TMEM132B: variants seen among roughly 807,000 people sequenced by gnomAD.
TMEM132B encodes the protein transmembrane protein 132B.
A neutral mutation model predicts 90.8 loss-of-function variants in TMEM132B; 18 were observed. The observed-to-expected ratio is 0.20, with a 90% CI of 0.14 to 0.29. The LOEUF is 0.29. Among genes scored for constraint, TMEM132B ranks in the 10% least tolerant of loss-of-function variants. TMEM132B has a pLI of 1.00. For synonymous variants in TMEM132B, 504 were observed against 523.3 expected, an observed-to-expected ratio of 0.96 and a Z score of 0.50; for missense variants, 1,096 against 1,326.8, an observed-to-expected ratio of 0.83 and a Z score of 2.70.
chr12:125,437,037 C>T (rs749745766), intron 3 of TMEM132B, among the ~76,000 whole-genome samples: 3 of 152,174 alleles, frequency 2.0e-5, no homozygotes, highest in Non-Finnish European at 4.4e-5. Context: ...AAGGGCCATA[C>T]CACACCCTTG....
At chr12:125,217,448 CTTTG>C (rs994296702) in intron 1 of TMEM132B, among the ~76,000 whole-genome samples, 4 of 152,232 alleles carry the variant, frequency 2.6e-5, no homozygotes, top group African/African-American at 4.8e-5. Flanking sequence ...TCGCTTAATT[CTTTG>C]TTTGTTTGTT....
At chr12:125,426,611 ATACAGC>A (rs1387542586) in intron 3 of TMEM132B, among the ~76,000 whole-genome samples, 1 of 152,232 alleles carries the variant, frequency 6.6e-6, no homozygotes, top group Non-Finnish European at 1.5e-5. Flanking sequence ...ATGCAGGTTC[ATACAGC>A]TCATTCCTGG....
At chr12:125,223,333 C>T (rs182467282) in intron 1 of TMEM132B, among the ~76,000 whole-genome samples, 5 of 152,270 alleles carry the variant, frequency 3.3e-5, no homozygotes, top group East Asian at 3.9e-4. Flanking sequence ...ATCTTTTGGA[C>T]GAATTAAATG....
intron 4 of TMEM132B, among the ~76,000 whole-genome samples, chr12:125,571,222 A>C (rs559888271): frequency 1.3e-5 from 2 of 152,306 alleles, no homozygotes; most frequent in South Asian, 4.1e-4. Context: ...CTGGCTCTGC[A>C]GCTTAGCAGC....
chr12:125,617,730 C>T (rs991139314), intron 5 of TMEM132B, among the ~76,000 whole-genome samples: 1 of 152,068 alleles, frequency 6.6e-6, no homozygotes, highest in East Asian at 1.9e-4. Flanking sequence ...TACTTTCCAG[C>T]TTATCCCTCT....
At chr12:125,354,409 TG>T (rs1425289106) in intron 2 of TMEM132B, among the ~76,000 whole-genome samples, 1 of 152,212 alleles carries the variant, frequency 6.6e-6, no homozygotes, top group Non-Finnish European at 1.5e-5. Context: ...TAGAACTAGC[TG>T]GTTGTAGTTC....
intron 1 of TMEM132B, among the ~76,000 whole-genome samples, chr12:125,214,434 A>G (rs2136068075): frequency 6.6e-6 from 1 of 152,320 alleles, no homozygotes; most frequent in South Asian, 2.1e-4. Flanking sequence ...TCTCACAGAA[A>G]TGGCAGTTCT....
intron 1 of TMEM132B, among the ~76,000 whole-genome samples, chr12:125,225,936 C>A (rs914955211): frequency 1.3e-5 from 2 of 152,176 alleles, no homozygotes; most frequent in Non-Finnish European, 2.9e-5. Context: ...CCTAGGGGAG[C>A]AAGCAGACAG....
chr12:125,226,274 C>T (rs930556473), intron 1 of TMEM132B, among the ~76,000 whole-genome samples: 4 of 152,198 alleles, frequency 2.6e-5, no homozygotes, highest in African/African-American at 9.7e-5. Context: ...CCCCAGCTTC[C>T]AGCCCCAGCT....
At chr12:125,550,054 G>A (rs1301147596) in intron 4 of TMEM132B, among the ~76,000 whole-genome samples, 3 of 152,184 alleles carry the variant, frequency 2.0e-5, no homozygotes, top group African/African-American at 7.2e-5. Context: ...GGACAGTGTG[G>A]GGCACATCAG....
intron 1 of TMEM132B, among the ~76,000 whole-genome samples, chr12:125,298,207 G>A (rs34272199): frequency 0.29 from 43,668 of 151,874 alleles, 6,463 homozygotes; most frequent in African/African-American, 0.33. Flanking sequence ...CCATGATTGC[G>A]CCACTGCACT....
intron 2 of TMEM132B, among the ~76,000 whole-genome samples, chr12:125,372,001 A>G (rs553607287): frequency 6.6e-6 from 1 of 152,218 alleles, no homozygotes; most frequent in South Asian, 2.1e-4. Context: ...ATCACTAAAA[A>G]CCAGGAAAGA....
intron 4 of TMEM132B, among the ~76,000 whole-genome samples, chr12:125,556,882 G>A (rs1751722204): frequency 6.6e-6 from 1 of 152,128 alleles, no homozygotes; most frequent in African/African-American, 2.4e-5. Flanking sequence ...AGCCTCCCAA[G>A]TAGCTGGGAC....
Position 125,350,323 on chromosome 12 carries a change from G to A in TMEM132B, c.939G>A (p.Val313=). 2 of 1,613,030 alleles carry A rather than the reference G, an allele frequency of 1.2e-6. No individual in the cohort carries two copies. The highest frequency in any genetic ancestry group is 2.2e-5 in the South Asian group (2 of 90,992). The change falls in exon 2 of 9, where the codon GTG becomes GTA. Residue 313 remains valine, a synonymous_variant. Coordinates refer to ENST00000682704, the MANE Select transcript of TMEM132B (RefSeq NM_001366854.1). The part of the protein sequence containing the change: ...TFLVSLTSSS[V]ADQFTLRIKA... The stretch of plus-strand genomic sequence containing the variant: ...TGGTCTCTCTGACCAGTAGCTCTGT[G>A]GCAGACCAGTTCACTCTTAGGTAAG...
intron 4 of TMEM132B, among the ~76,000 whole-genome samples, chr12:125,527,109 C>T (rs1883491106): frequency 7.2e-6 from 1 of 139,262 alleles, no homozygotes; most frequent in Admixed American, 7.1e-5. Flanking sequence ...CTTCCATCCA[C>T]CCATCCACAC....
At chr12:125,290,165 C>T (rs900173056) in intron 1 of TMEM132B, among the ~76,000 whole-genome samples, 5 of 152,110 alleles carry the variant, frequency 3.3e-5, no homozygotes, top group African/African-American at 1.2e-4. Context: ...GAGTTTGGGC[C>T]GTAATTCATT....
At chr12:125,626,453 AG>A (rs1457772092) in intron 5 of TMEM132B, among the ~76,000 whole-genome samples, 1 of 152,170 alleles carries the variant, frequency 6.6e-6, no homozygotes, top group East Asian at 1.9e-4. Context: ...GGTTTTTGAG[AG>A]ACTCCCAAGC....
At chr12:125,199,667 A>G (rs1417272144) in intron 1 of TMEM132B, among the ~76,000 whole-genome samples, 1 of 152,310 alleles carries the variant, frequency 6.6e-6, no homozygotes, top group Non-Finnish European at 1.5e-5. Context: ...AGGACTGTTA[A>G]GTTGAATCTG....
Position 125,442,646 on chromosome 12 carries a change from A to G in TMEM132B, c.1106+26969A>G, listed in dbSNP as rs182748080. Among the ~76,000 whole-genome samples the G allele has an allele frequency of 7.9e-5, 12 of 152,326 alleles. 1 individual carries two copies. The highest frequency in any genetic ancestry group is 4.6e-4 in the Admixed American group (7 of 15,302). ...TATTAAATTACATCCTCAAAAAGAT[A>G]AGAGAAGATGCTCTATTCAGGACGA... On this transcript the variant is annotated intron_variant, in intron 3 of 8. Transcript: ENST00000682704.
Sources: allele counts gnomAD v4.1 joint callset (sites outside exome capture counted in the v4.1 genomes callset), GRCh38; gene constraint gnomAD v4.1.1; transcripts MANE v1.5; gene names NCBI Gene and HGNC (gene_info 2026-07-23, HGNC 2026-07-21).